Variants in PCDHGA1 observed in about 807,000 individuals in gnomAD.
The protein encoded by PCDHGA1 is protocadherin gamma subfamily A, 1.
A neutral mutation model predicts 58.0 loss-of-function variants in PCDHGA1; 32 were observed. The observed-to-expected ratio is 0.55, with a 90% CI of 0.42 to 0.74. PCDHGA1 has a LOEUF of 0.74. Among genes scored for constraint, PCDHGA1 ranks in the 30% least tolerant of loss-of-function variants. PCDHGA1 has a pLI of 0.00. For missense variants in PCDHGA1, 1,205 were observed against 1,182.3 expected (o/e 1.02, Z -0.28); for synonymous variants, 498 against 501.1 (o/e 0.99, Z 0.08).
Position 141,486,552 on chromosome 5 carries a change from A to G in PCDHGA1, c.2422-8255A>G. On this transcript the variant is annotated intron_variant, in intron 1 of 3. Coordinates refer to ENST00000517417, the MANE Select transcript of PCDHGA1 (RefSeq NM_018912.3). This position sits in a 1 kb window ranked among gnomAD's most constrained non-coding sequence, Gnocchi z 5.0. ...CCACCCTCTTTCTTTCAGAGGTCAC[A>G]TGAGGTGTTTGTTCCTGAGAACAAT... is the stretch of plus-strand genomic sequence containing the variant. 1 of 1,614,136 alleles carries G rather than the reference A, an allele frequency of 6.2e-7. No homozygotes were observed. The highest frequency in any genetic ancestry group is 2.2e-5 in the East Asian group (1 of 44,882).
chr5:141,378,535 T>C (rs1235721694), intron 1 of PCDHGA1: 1 of 152,092 alleles, frequency 6.6e-6, no homozygotes, highest in Non-Finnish European at 1.5e-5. Context: ...AAAATAATAA[T>C]GATAATTAAT....
chr5:141,490,822 C>T lies in PCDHGA1; in HGVS notation c.2422-3985C>T. ...GCGTACCTTTGACTATGAATTGCTG[C>T]AGATGCTGCAGATTGTGGTGGGGGT... On this transcript the variant is annotated intron_variant, in intron 1 of 3. Coordinates refer to ENST00000517417, the MANE Select transcript of PCDHGA1 (RefSeq NM_018912.3). This position sits in a 1 kb window ranked among gnomAD's most constrained non-coding sequence, Gnocchi z 5.4. 2 of 1,613,842 alleles carry T rather than the reference C, an allele frequency of 1.2e-6. No individual in the cohort carries two copies. Among genetic ancestry groups the T allele is most frequent in the Non-Finnish European group, 1.7e-6 (2 of 1,179,790 alleles).
chr5:141,402,879 C>T, intron 1 of PCDHGA1: 1 of 1,471,232 alleles, frequency 6.8e-7, no homozygotes, highest in Non-Finnish European at 9.0e-7. Flanking sequence ...CCATACTTTG[C>T]AGGGTGGAAG....
intron 1 of PCDHGA1, chr5:141,350,119 G>T (rs1758412512): frequency 1.7e-6 from 1 of 594,890 alleles, no homozygotes; most frequent in South Asian, 5.4e-5. Context: ...TTTGTCCGGT[G>T]CACTGAGCAC....
rs1247556723 is a variant in PCDHGA1 at position 141,489,841 on chromosome 5, G to A, written c.2422-4966G>A. 6.2e-7 allele frequency: 1 copy of A among 1,614,224 alleles called. No individual in the cohort carries two copies. The highest frequency in any genetic ancestry group is 1.7e-5 in the Admixed American group (1 of 60,032). On this transcript the variant is annotated intron_variant, in intron 1 of 3. Coordinates refer to ENST00000517417, the MANE Select transcript of PCDHGA1 (RefSeq NM_018912.3). The surrounding 1 kb of genome is among the most constrained non-coding windows in gnomAD (Gnocchi z 4.5). Reference sequence around the variant, plus strand: ...AGAGCTGGTGCTAGAGCAGCAGCTGGATCGTGAAGCCCAGGCAAGACATCA... The same window carrying A: ...AGAGCTGGTGCTAGAGCAGCAGCTGAATCGTGAAGCCCAGGCAAGACATCA...
At chr5:141,362,524 G>A (rs748249722) in intron 1 of PCDHGA1, 1 of 1,613,964 alleles carries the variant, frequency 6.2e-7, no homozygotes, top group Non-Finnish European at 8.5e-7. Context: ...TGGAGCCGCT[G>A]GGGTCCCTTT....
At chr5:141,379,148 C>A (rs1775403253) in intron 1 of PCDHGA1, 1 of 152,174 alleles carries the variant, frequency 6.6e-6, no homozygotes, top group East Asian at 1.9e-4. Flanking sequence ...TCCTTTGTAA[C>A]CTGACTTTGT....
rs1327490895 is a variant in PCDHGA1, at chr5:141,487,672, G to A, written c.2422-7135G>A. The stretch of plus-strand genomic sequence containing the variant: ...AGGGTTATTCTGATCCAGGCATATG[G>A]CTAGGCCATGTCCTAGAGAGTACTG... On this transcript the variant is annotated intron_variant, in intron 1 of 3. Coordinates refer to ENST00000517417, the MANE Select transcript of PCDHGA1 (RefSeq NM_018912.3). This position sits in a 1 kb window ranked among gnomAD's most constrained non-coding sequence, Gnocchi z 5.0. 6.2e-7 allele frequency: 1 copy of A among 1,611,484 alleles called. No individual in the cohort carries two copies. Among genetic ancestry groups the A allele is most frequent in the Non-Finnish European group, 8.5e-7 (1 of 1,178,612 alleles).
At chr5:141,422,847 C>T (rs1271794821) in intron 1 of PCDHGA1, 2 of 1,614,116 alleles carry the variant, frequency 1.2e-6, no homozygotes, top group Non-Finnish European at 1.7e-6. Context: ...ACAGCGGGGA[C>T]CCGCCCCTCA....
At chr5:141,340,875 G>A in intron 1 of PCDHGA1, 3 of 1,613,674 alleles carry the variant, frequency 1.9e-6, no homozygotes, top group Non-Finnish European at 2.5e-6. Flanking sequence ...CTGCTGGACA[G>A]AGACGCGCTC....
chr5:141,339,190 G>C (rs759821853), intron 1 of PCDHGA1: 4 of 1,614,028 alleles, frequency 2.5e-6, no homozygotes, highest in East Asian at 2.2e-5. Context: ...GTAGGTCCCA[G>C]CTCTTTGCTC....
rs777780708 is a variant in PCDHGA1, at chr5:141,489,934, G to C, written c.2422-4873G>C. ...AGGGACCACCCTTATCTCTGTCATC[G>C]TGCTGGACATCAATGATAATGCTCC... On this transcript the variant is annotated intron_variant, in intron 1 of 3. Transcript: ENST00000517417. The surrounding 1 kb of genome is among the most constrained non-coding windows in gnomAD (Gnocchi z 4.5). The C allele has an allele frequency of 1.4e-5, 23 of 1,614,176 alleles. No homozygotes were observed. Among genetic ancestry groups the C allele is most frequent in the Non-Finnish European group, 1.8e-5 (21 of 1,180,030 alleles).
At chr5:141,384,528 C>T in intron 1 of PCDHGA1, 2 of 1,614,254 alleles carry the variant, frequency 1.2e-6, no homozygotes, top group Non-Finnish European at 1.7e-6. Context: ...CGCCTCTCAG[C>T]AGCAACATGT....
In PCDHGA1 at chr5:141,489,362, C is replaced by T. The variant is rs1562129544; in HGVS notation, c.2422-5445C>T. 8 of 1,613,052 alleles carry T rather than the reference C, an allele frequency of 5.0e-6. No individual in the cohort carries two copies. Among genetic ancestry groups the T allele is most frequent in the South Asian group, 2.2e-5 (2 of 90,970 alleles). On this transcript the variant is annotated intron_variant, in intron 1 of 3. Coordinates refer to ENST00000517417, the MANE Select transcript of PCDHGA1 (RefSeq NM_018912.3). The surrounding 1 kb of genome is among the most constrained non-coding windows in gnomAD (Gnocchi z 4.5). ...TACTCAGTGGTGGAGGAGTCTGAGC[C>T]GGGGACGCTGGTGGGGAATGTTGCT...
intron 1 of PCDHGA1, among the ~76,000 whole-genome samples, chr5:141,364,051 A>G (rs1322889725): frequency 6.6e-6 from 1 of 152,262 alleles, no homozygotes; most frequent in African/African-American, 2.4e-5. Flanking sequence ...ATTATTAGAA[A>G]TAAAATTATA....
intron 1 of PCDHGA1, chr5:141,361,956 C>T: frequency 1.9e-6 from 3 of 1,603,312 alleles, no homozygotes; most frequent in Non-Finnish European, 1.7e-6. Flanking sequence ...TGTCCTACCA[C>T]GTGCTGCAGG....
intron 1 of PCDHGA1, chr5:141,418,453 G>T (rs2096259626): frequency 1.2e-6 from 2 of 1,614,060 alleles, no homozygotes; most frequent in East Asian, 4.5e-5. Flanking sequence ...TATTGCAGAA[G>T]ACTCTGGACC....
chr5:141,395,403 A>C (rs1383871945), intron 1 of PCDHGA1: 7 of 849,376 alleles, frequency 8.2e-6, no homozygotes, highest in Non-Finnish European at 1.2e-5. Context: ...TCTAATAGTC[A>C]TAGGTTATTG....
At chr5:141,422,899 G>C (rs759972749) in intron 1 of PCDHGA1, 13 of 1,614,116 alleles carry the variant, frequency 8.1e-6, no homozygotes, top group Middle Eastern at 3.3e-4. Context: ...GGACCAGAAC[G>C]ACAATGCGCC....
Sources: gnomAD v4.1 joint callset for allele counts (sites outside exome capture counted in the v4.1 genomes callset) on GRCh38, gnomAD v4.1.1 for gene constraint, Gnocchi (gnomAD v3.1) non-coding constraint, MANE v1.5 for transcripts, NCBI Gene and HGNC (gene_info 2026-07-23, HGNC 2026-07-21) for gene names.